EMSY: variants seen among roughly 807,000 people sequenced by gnomAD.
The protein encoded by EMSY is BRCA2-interacting transcriptional repressor EMSY.
A neutral mutation model predicts 134.6 loss-of-function variants in EMSY; 26 were observed. That is an observed-to-expected ratio of 0.19 (90% CI 0.14 to 0.27). The LOEUF is 0.27. Among genes scored for constraint, EMSY ranks in the 10% least tolerant of loss-of-function variants. The pLI is 1.00. For synonymous variants in EMSY, 579 were observed against 577.8 expected (o/e 1.00, Z -0.03); for missense variants, 1,305 against 1,611.4 (o/e 0.81, Z 3.26).
chr11:76,490,080 G>A (rs1015122132), intron 8 of EMSY, among the ~76,000 whole-genome samples: 4 of 152,192 alleles, frequency 2.6e-5, no homozygotes, highest in Non-Finnish European at 4.4e-5. Flanking sequence ...CGGTAGGATT[G>A]AGTTTAAGTC....
chr11:76,457,191 T>C (rs1157241425), intron 4 of EMSY, among the ~76,000 whole-genome samples: 2 of 152,192 alleles, frequency 1.3e-5, no homozygotes, highest in Non-Finnish European at 2.9e-5. Context: ...ACAAGGGCTT[T>C]ATACTCTTAT....
chr11:76,529,158 T>C (rs1217550757), intron 14 of EMSY, among the ~76,000 whole-genome samples: 1 of 152,188 alleles, frequency 6.6e-6, no homozygotes, highest in Non-Finnish European at 1.5e-5. Flanking sequence ...CTTCTACAAA[T>C]CTAGTACTCA....
At chr11:76,508,873 T>A (rs1025510324) in intron 9 of EMSY, among the ~76,000 whole-genome samples, 1 of 152,182 alleles carries the variant, frequency 6.6e-6, no homozygotes, top group African/African-American at 2.4e-5. Flanking sequence ...CTGGCCTTCA[T>A]AGAAATGAAG....
chr11:76,511,471 G>GT (rs1456012146), intron 9 of EMSY, among the ~76,000 whole-genome samples: 2 of 152,132 alleles, frequency 1.3e-5, no homozygotes, highest in African/African-American at 4.8e-5. Context: ...GCCAAGGCTG[G>GT]TGGGTCCCTT....
exon 9 of EMSY, chr11:76,496,221 C>T: frequency 1.2e-6 from 2 of 1,613,622 alleles, no homozygotes; most frequent in East Asian, 2.2e-5. Context: ...ACAGGTGTAT[C>T]TACATCAGCA....
downstream of EMSY, chr11:76,551,897 GT>G: frequency 6.6e-6 from 1 of 152,190 alleles, no homozygotes; most frequent in African/African-American, 2.4e-5. Context: ...TACAGATTAA[GT>G]TTTTATAAAA....
chr11:76,536,866 G>A (rs1951241387), intron 15 of EMSY, among the ~76,000 whole-genome samples: 2 of 152,076 alleles, frequency 1.3e-5, no homozygotes, highest in African/African-American at 4.8e-5. Context: ...CTTGTAGGGT[G>A]ACTTTTGTAT....
At chr11:76,540,208 T>C (rs1951382117) in intron 17 of EMSY, among the ~76,000 whole-genome samples, 1 of 152,182 alleles carries the variant, frequency 6.6e-6, no homozygotes, top group South Asian at 2.1e-4. Context: ...GGTAGAAGTG[T>C]TCCATATAAT....
Position 76,467,798 on chromosome 11 carries a change from G to T in EMSY, c.831+3718G>T, listed in dbSNP as rs144477403. ...CCTGAGGGTAGGAGTTCTGAGACCA[G>T]CCTGATCAACATGGAGAAACGCTGT... On this transcript the variant is annotated intron_variant, in intron 7 of 20. Transcript: ENST00000334736. 4.1e-3 allele frequency among the ~76,000 whole-genome samples: 628 copies of T among 152,052 alleles called. 5 individuals are homozygous for T. The highest frequency in any genetic ancestry group is 0.014 in the African/African-American group (601 of 41,478).
chr11:76,498,572 T>G (rs2135849212), intron 9 of EMSY, among the ~76,000 whole-genome samples: 1 of 152,314 alleles, frequency 6.6e-6, no homozygotes, highest in South Asian at 2.1e-4. Flanking sequence ...CCTGTCTCAT[T>G]ATGTAGCGTT....
chr11:76,542,386 C>T lies in EMSY; in HGVS notation c.2709+19C>T, dbSNP rs1350980204. ...GCAGCAGGTTGTATCTCTTCTTTTT[C>T]TTCCTATCTTCTGCAACTGCCCATG... is the stretch of plus-strand genomic sequence containing the variant. On this transcript the variant is annotated intron_variant, in intron 18 of 20. Transcript: ENST00000334736. 3.1e-6 allele frequency: 5 copies of T among 1,609,762 alleles called. No homozygotes were observed. The highest frequency in any genetic ancestry group is 4.3e-6 in the Non-Finnish European group (5 of 1,176,174).
chr11:76,535,231 A>T (rs1951182039), intron 14 of EMSY, among the ~76,000 whole-genome samples: 2 of 152,134 alleles, frequency 1.3e-5, no homozygotes, highest in South Asian at 4.1e-4. Flanking sequence ...TGAAACTAAG[A>T]CCCAAAGAAT....
intron 15 of EMSY, 56 bp from the exon 17 acceptor site, chr11:76,537,739 G>A: frequency 6.8e-7 from 1 of 1,465,862 alleles, no homozygotes; most frequent in African/African-American, 1.4e-5. Context: ...GGACAACTCT[G>A]GTTTTGGTAC....
intron 2 of EMSY, among the ~76,000 whole-genome samples, chr11:76,447,863 A>G (rs1009958239): frequency 2.0e-5 from 3 of 152,238 alleles, no homozygotes; most frequent in African/African-American, 7.2e-5. Flanking sequence ...TGGCTAGCAC[A>G]ATAAATGAAA....
intron 6 of EMSY, among the ~76,000 whole-genome samples, chr11:76,461,730 G>A (rs557428560): frequency 7.9e-5 from 12 of 152,136 alleles, no homozygotes; most frequent in Middle Eastern, 3.4e-3. Flanking sequence ...TCAGGCGTTC[G>A]AGACTAACCT....
chr11:76,503,319 AAAAAG>A (rs1949950275), intron 9 of EMSY, among the ~76,000 whole-genome samples: 1 of 151,034 alleles, frequency 6.6e-6, no homozygotes, highest in African/African-American at 2.4e-5. Flanking sequence ...AAAAAAAAAA[AAAAAG>A]AAGAAGAAGG....
chr11:76,481,117 C>T (rs1051447161), intron 8 of EMSY, among the ~76,000 whole-genome samples: 2 of 152,188 alleles, frequency 1.3e-5, no homozygotes, highest in Non-Finnish European at 2.9e-5. Context: ...TATCTCGGCT[C>T]ACTGCAAGCT....
chr11:76,480,443 A>G (rs1948925847), intron 8 of EMSY, among the ~76,000 whole-genome samples: 1 of 152,226 alleles, frequency 6.6e-6, no homozygotes, highest in African/African-American at 2.4e-5. Flanking sequence ...GGACTGTGCA[A>G]CGATGGCAAG....
chr11:76,472,929 A>T, intron 8 of EMSY, 89 bp downstream of exon 9: 1 of 1,403,950 alleles, frequency 7.1e-7, no homozygotes, highest in Non-Finnish European at 9.8e-7. Context: ...TGCTTTGGAT[A>T]TGAAGGTCCC....
Sources: gnomAD v4.1 joint callset for allele counts (sites outside exome capture counted in the v4.1 genomes callset) on GRCh38, gnomAD v4.1.1 for gene constraint, MANE v1.5 for transcripts, NCBI Gene and HGNC (gene_info 2026-07-23, HGNC 2026-07-21) for gene names.